Variants in SDK2 observed in about 807,000 individuals in gnomAD.
The protein encoded by SDK2 is sidekick cell adhesion molecule 2.
A neutral mutation model predicts 253.9 loss-of-function variants in SDK2; 105 were observed. That is an observed-to-expected ratio of 0.41 (90% CI 0.35 to 0.49). SDK2 has a LOEUF of 0.49. Among genes scored for constraint, SDK2 ranks in the 20% least tolerant of loss-of-function variants. The pLI is 0.06. For missense variants in SDK2, 2,608 were observed against 3,003.0 expected (o/e 0.87, Z 3.07); for synonymous variants, 1,249 against 1,234.9 (o/e 1.01, Z -0.24).
chr17:73,380,826 G>T, intron 34 of SDK2, 68 bp downstream of exon 34: 6 of 1,385,184 alleles, frequency 4.3e-6, no homozygotes, highest in Non-Finnish European at 6.0e-6. Flanking sequence ...GGTCTCTCAA[G>T]GAGGCCCCAC....
At chr17:73,392,828 C>T (rs149197049) in intron 27 of SDK2, among the ~76,000 whole-genome samples, 1 of 152,174 alleles carries the variant, frequency 6.6e-6, no homozygotes, top group East Asian at 1.9e-4. Flanking sequence ...AGTTTTGCTA[C>T]AGGGATGAAT....
chr17:73,543,464 C>T (rs1482894902), intron 1 of SDK2, among the ~76,000 whole-genome samples: 1 of 152,232 alleles, frequency 6.6e-6, no homozygotes, highest in Non-Finnish European at 1.5e-5. Context: ...GATGCAGAGT[C>T]TATGTAAGCG....
At chr17:73,571,792 C>T (rs1285229712) in intron 1 of SDK2, among the ~76,000 whole-genome samples, 3 of 152,132 alleles carry the variant, frequency 2.0e-5, no homozygotes, top group African/African-American at 7.2e-5. Context: ...CCCTCTCTGA[C>T]CGGGGTCTGA....
chr17:73,600,202 G>A (rs1414892236), intron 1 of SDK2, among the ~76,000 whole-genome samples: 1 of 152,124 alleles, frequency 6.6e-6, no homozygotes, highest in Non-Finnish European at 1.5e-5. Flanking sequence ...CCACTTCCTC[G>A]GTCCCATCCA....
chr17:73,483,943 A>G (rs1166642674), intron 2 of SDK2, among the ~76,000 whole-genome samples: 1 of 151,726 alleles, frequency 6.6e-6, no homozygotes, highest in Non-Finnish European at 1.5e-5. Context: ...TTCAGTTTAA[A>G]TGGCTGGGAA....
At position 73,643,957 on chromosome 17, in the gene SDK2, T is replaced by TG; in HGVS notation, c.64+67_64+68insC. The TG allele has an allele frequency of 4.3e-5, 44 of 1,019,936 alleles. No homozygotes were observed. Among genetic ancestry groups the TG allele is most frequent in the Admixed American group, 6.2e-5 (3 of 48,754 alleles). 63.2% of individuals were successfully genotyped at this position (1,019,936 alleles called of 1,614,324 possible). On this transcript the variant is annotated intron_variant, in intron 1 of 44. Transcript: ENST00000392650. The surrounding 1 kb of genome is among the most constrained non-coding windows in gnomAD (Gnocchi z 6.9). ...GGAGGTCACCGTGAGGCCGGCCAGC[T>TG]CCCGCCGCCCCTCCCCCGCCCACTC...
At chr17:73,423,315 C>A (rs369682474) in intron 14 of SDK2, 71 bp downstream of exon 14, 12 of 1,288,278 alleles carry the variant, frequency 9.3e-6, no homozygotes, top group African/African-American at 4.6e-5. Flanking sequence ...AGAGCTGGGA[C>A]CCCAGCCCAG....
Position 73,566,495 on chromosome 17 carries a change from G to A in SDK2, c.65-58898C>T, listed in dbSNP as rs143584518. ...ATTAGGTAATGAACAAAGGTTGAAA[G>A]AGTTTGGTGGGTTCAAAAATAGACA... On this transcript the variant is annotated intron_variant, in intron 1 of 44. Transcript: ENST00000392650. 1.6e-3 allele frequency among the ~76,000 whole-genome samples: 242 copies of A among 152,274 alleles called. 4 individuals are homozygous for A. The highest frequency in any genetic ancestry group is 1.9e-3 in the Non-Finnish European group (126 of 68,026).
chr17:73,517,478 C>G (rs369205926), intron 1 of SDK2: 1 of 152,104 alleles, frequency 6.6e-6, no homozygotes, highest in Non-Finnish European at 1.5e-5. Flanking sequence ...GGGACTGAAG[C>G]GACGCATCTA....
intron 1 of SDK2, among the ~76,000 whole-genome samples, chr17:73,584,980 G>A (rs1231236514): frequency 2.0e-5 from 3 of 152,216 alleles, no homozygotes; most frequent in African/African-American, 7.2e-5. Context: ...AGTCTCCAGT[G>A]GAAGATTAAA....
chr17:73,560,847 T>C (rs1362976416), intron 1 of SDK2, among the ~76,000 whole-genome samples: 5 of 152,180 alleles, frequency 3.3e-5, no homozygotes, highest in Admixed American at 2.6e-4. Flanking sequence ...CGATCCTGAT[T>C]CAGGAGCACA....
At position 73,442,834 on chromosome 17, in the gene SDK2, A is replaced by G. The variant is rs112095070; in HGVS notation, c.614-1911T>C. Among the ~76,000 whole-genome samples the G allele has an allele frequency of 5.4e-3, 810 of 150,690 alleles. 7 individuals are homozygous for G. Among genetic ancestry groups the G allele is most frequent in the African/African-American group, 0.019 (778 of 41,298 alleles). On this transcript the variant is annotated intron_variant, in intron 5 of 44. Transcript: ENST00000392650. ...GGTTTTATTGGAAAAAAAAAAAGAG[A>G]GAGAAACACTCCAAACTCCTCTTCT...
intron 2 of SDK2, among the ~76,000 whole-genome samples, chr17:73,499,283 G>A (rs1020218917): frequency 2.6e-5 from 4 of 152,230 alleles, no homozygotes; most frequent in Admixed American, 6.5e-5. Flanking sequence ...CCTTGCTGGG[G>A]CCGTCACATG....
intron 1 of SDK2, among the ~76,000 whole-genome samples, chr17:73,582,528 T>C (rs1182852810): frequency 2.0e-5 from 3 of 152,208 alleles, no homozygotes; most frequent in Non-Finnish European, 4.4e-5. Flanking sequence ...CTATTAATAA[T>C]GTAGAAGCCC....
chr17:73,357,823 C>A (rs2062604454), intron 40 of SDK2: 1 of 603,276 alleles, frequency 1.7e-6, no homozygotes, highest in South Asian at 1.7e-5. Flanking sequence ...CCTGAGCAAT[C>A]CTCAACCCAA....
chr17:73,390,938 C>T (rs772830578), intron 28 of SDK2, among the ~76,000 whole-genome samples: 8 of 152,170 alleles, frequency 5.3e-5, no homozygotes, highest in Non-Finnish European at 8.8e-5. Flanking sequence ...TCCAAGCCCC[C>T]ATTTTAAAGG....
chr17:73,590,544 T>C (rs930406361), intron 1 of SDK2, among the ~76,000 whole-genome samples: 3 of 152,170 alleles, frequency 2.0e-5, no homozygotes, highest in Admixed American at 2.0e-4. Context: ...CTGGGGAAAA[T>C]ACAGGTTAGT....
chr17:73,356,588 CAGA>C (rs960456736), intron 40 of SDK2, among the ~76,000 whole-genome samples: 3 of 152,162 alleles, frequency 2.0e-5, no homozygotes, highest in Non-Finnish European at 2.9e-5. Flanking sequence ...AAGGGGAGCA[CAGA>C]AGAAGGGGCA....
rs2062760797 is a variant in SDK2, at chr17:73,374,469, T to C, written c.4980+4708A>G. ...TCCCATTCCATGTTCGATTTGTCGG[T>C]AATTTTTTTTTTTTTTGAGATGGGG... is the stretch of plus-strand genomic sequence containing the variant. On this transcript the variant is annotated intron_variant, in intron 36 of 44. Coordinates refer to ENST00000392650, the MANE Select transcript of SDK2 (RefSeq NM_001144952.2). Among the ~76,000 whole-genome samples, 2 of 137,920 alleles carry C rather than the reference T, an allele frequency of 1.5e-5. 1 individual carries two copies. Among genetic ancestry groups the C allele is most frequent in the South Asian group, 4.9e-4 (2 of 4,082 alleles). The allele number at this position is 137,920 out of a possible 152,430, so 90.5% of individuals were successfully genotyped here.
Sources: allele counts gnomAD v4.1 joint callset (sites outside exome capture counted in the v4.1 genomes callset), GRCh38; gene constraint gnomAD v4.1.1; non-coding constraint Gnocchi (gnomAD v3.1); transcripts MANE v1.5; gene names NCBI Gene and HGNC (gene_info 2026-07-23, HGNC 2026-07-21).